SLC25A21: variants seen among roughly 807,000 people sequenced by gnomAD.
SLC25A21 encodes solute carrier family 25 member 21, also known as mitochondrial 2-oxodicarboxylate carrier.
In SLC25A21, 47 loss-of-function variants were observed where a neutral mutation model predicts 43.8. The ratio of observed to expected loss-of-function variants is 1.07; its 90% confidence interval spans 0.85 to 1.37. The LOEUF (loss-of-function observed/expected upper bound fraction) is 1.37. Among genes scored for constraint, SLC25A21 ranks in the 40% most tolerant of loss-of-function variants. The probability of loss-of-function intolerance (pLI) is 0.00; values close to 1 mark genes in which losing one functional copy is unlikely to be tolerated. For synonymous variants in SLC25A21, 131 were observed against 121.3 expected (o/e 1.08, Z -0.52); for missense variants, 352 against 350.2 (o/e 1.00, Z -0.04).
At chr14:36,894,024 C>T (rs1891165595) in intron 1 of SLC25A21, among the ~76,000 whole-genome samples, 1 of 152,146 alleles carries the variant, frequency 6.6e-6, no homozygotes, top group South Asian at 2.1e-4. Context: ...GCAATGTGGA[C>T]TCTTTTTTGG....
At chr14:36,688,240 C>T (rs1434386721) in intron 7 of SLC25A21, among the ~76,000 whole-genome samples, 1 of 152,158 alleles carries the variant, frequency 6.6e-6, no homozygotes, top group African/African-American at 2.4e-5. Flanking sequence ...TTTACAGATC[C>T]CCTCTCAAAA....
intron 2 of SLC25A21, among the ~76,000 whole-genome samples, chr14:36,825,713 T>A (rs905911656): frequency 1.3e-5 from 2 of 152,188 alleles, no homozygotes; most frequent in Admixed American, 1.3e-4. Context: ...CAAATTGAGA[T>A]CTAGATAATT....
At chr14:37,024,057 C>T (rs1961042207) in intron 1 of SLC25A21, among the ~76,000 whole-genome samples, 1 of 151,984 alleles carries the variant, frequency 6.6e-6, no homozygotes, top group Non-Finnish European at 1.5e-5. Flanking sequence ...CAACAGAGGA[C>T]AGCAGTGAAG....
intron 6 of SLC25A21, among the ~76,000 whole-genome samples, chr14:36,715,283 C>T (rs1884077013): frequency 6.6e-6 from 1 of 152,146 alleles, no homozygotes; most frequent in Non-Finnish European, 1.5e-5. Context: ...GACATTGTTT[C>T]ACACATATGT....
intron 2 of SLC25A21, chr14:36,828,603 T>A (rs1244043072): frequency 6.6e-6 from 1 of 152,216 alleles, no homozygotes; most frequent in East Asian, 1.9e-4. Context: ...TAGAAGTGAC[T>A]CTACTTCTAC....
intron 1 of SLC25A21, among the ~76,000 whole-genome samples, chr14:36,927,743 C>T (rs763896338): frequency 9.9e-5 from 15 of 152,068 alleles, no homozygotes; most frequent in Non-Finnish European, 1.6e-4. Flanking sequence ...AGGGCCCTCA[C>T]CTAATTCAAG....
intron 7 of SLC25A21, among the ~76,000 whole-genome samples, chr14:36,695,538 C>T (rs1432073141): frequency 6.6e-6 from 1 of 152,166 alleles, no homozygotes; most frequent in Non-Finnish European, 1.5e-5. Flanking sequence ...TCTTCCTATC[C>T]ATGAGCATGG....
At chr14:36,840,273 CAT>C (rs758347728) in intron 2 of SLC25A21, among the ~76,000 whole-genome samples, 67 of 151,980 alleles carry the variant, frequency 4.4e-4, no homozygotes, top group Non-Finnish European at 7.5e-4. Context: ...GGGAAAAACT[CAT>C]ATGAGTCAAG....
chr14:37,089,869 A>G (rs940792329), intron 1 of SLC25A21, among the ~76,000 whole-genome samples: 1 of 152,240 alleles, frequency 6.6e-6, no homozygotes, highest in Non-Finnish European at 1.5e-5. Flanking sequence ...ATTGCCCTTT[A>G]AAGTGACATC....
At chr14:36,967,814 A>ACATGGTG (rs1275101159) in intron 1 of SLC25A21, among the ~76,000 whole-genome samples, 10 of 152,178 alleles carry the variant, frequency 6.6e-5, no homozygotes, top group Admixed American at 6.5e-4. Flanking sequence ...TGGACATTGC[A>ACATGGTG]CATGGTGCCA....
At chr14:36,712,618 C>G (rs1883933173) in intron 6 of SLC25A21, among the ~76,000 whole-genome samples, 1 of 152,080 alleles carries the variant, frequency 6.6e-6, no homozygotes. Context: ...ATAGTCTTTG[C>G]TGATAAATGT....
chr14:37,028,132 G>A (rs1961132672), intron 1 of SLC25A21, among the ~76,000 whole-genome samples: 1 of 151,888 alleles, frequency 6.6e-6, no homozygotes, highest in South Asian at 2.1e-4. Flanking sequence ...TTTTTTGTAA[G>A]GAGACGTGTG....
intron 1 of SLC25A21, among the ~76,000 whole-genome samples, chr14:36,912,408 T>TC (rs900877039): frequency 6.6e-6 from 1 of 152,100 alleles, no homozygotes; most frequent in Admixed American, 6.6e-5. Context: ...AACTTCAGGG[T>TC]CCCTGTCTGC....
chr14:36,681,152 T>C (rs1336372612), intron 9 of SLC25A21, among the ~76,000 whole-genome samples: 1 of 152,184 alleles, frequency 6.6e-6, no homozygotes, highest in Non-Finnish European at 1.5e-5. Flanking sequence ...ATCTCTAAGA[T>C]GGTGCTTGAT....
chr14:36,976,670 T>A (rs1365998843), intron 1 of SLC25A21, among the ~76,000 whole-genome samples: 2 of 152,196 alleles, frequency 1.3e-5, no homozygotes, highest in Admixed American at 1.3e-4. Flanking sequence ...GCAAGGCTGA[T>A]GCAAGCCAGA....
At chr14:36,799,393 A>G (rs1887787860) in intron 3 of SLC25A21, among the ~76,000 whole-genome samples, 1 of 152,180 alleles carries the variant, frequency 6.6e-6, no homozygotes, top group East Asian at 1.9e-4. Context: ...AAGATGGAAC[A>G]TTCTATTCAC....
chr14:37,008,256 A>T (rs6571772), intron 1 of SLC25A21, among the ~76,000 whole-genome samples: 67,893 of 152,072 alleles, frequency 0.45, 18,318 homozygotes, highest in African/African-American at 0.77. Flanking sequence ...CTTCTTCTTA[A>T]TCTAAATGTC....
intron 1 of SLC25A21, among the ~76,000 whole-genome samples, chr14:37,003,579 A>G (rs1182752211): frequency 6.6e-6 from 1 of 152,238 alleles, no homozygotes; most frequent in Non-Finnish European, 1.5e-5. Flanking sequence ...CACAGAAGTT[A>G]TAATGAATGA....
intron 1 of SLC25A21, among the ~76,000 whole-genome samples, chr14:36,977,466 G>C (rs1594732224): frequency 6.6e-6 from 1 of 152,104 alleles, no homozygotes; most frequent in Admixed American, 6.5e-5. Flanking sequence ...AAATAATACA[G>C]AATCTCTCTA....
Sources: gnomAD v4.1 joint callset for allele counts (sites outside exome capture counted in the v4.1 genomes callset) on GRCh38, gnomAD v4.1.1 for gene constraint, MANE v1.5 for transcripts, NCBI Gene and HGNC (gene_info 2026-07-23, HGNC 2026-07-21) for gene names.